PRKD1: variants seen among roughly 807,000 people sequenced by gnomAD.
PRKD1 encodes serine/threonine-protein kinase D1.
In PRKD1, 63 loss-of-function variants were observed where a neutral mutation model predicts 95.9. That is an observed-to-expected ratio of 0.66 (90% CI 0.54 to 0.81). PRKD1 has a LOEUF of 0.81. PRKD1 is among the 30% of genes least tolerant of loss of function. The probability of loss-of-function intolerance (pLI) is 0.00; values close to 1 mark genes in which losing one functional copy is unlikely to be tolerated. For missense variants in PRKD1, 1,048 were observed against 1,165.3 expected (o/e 0.90, Z 1.47); for synonymous variants, 425 against 423.1 (o/e 1.00, Z -0.05).
At chr14:29,926,552 C>T (rs1389135509) in intron 1 of PRKD1, among the ~76,000 whole-genome samples, 1 of 152,152 alleles carries the variant, frequency 6.6e-6, no homozygotes, top group East Asian at 1.9e-4. Context: ...CAGCCTCAAA[C>T]TTAAGGACAC....
At chr14:29,612,781 C>G (rs1399317590) in intron 13 of PRKD1, among the ~76,000 whole-genome samples, 1 of 152,128 alleles carries the variant, frequency 6.6e-6, no homozygotes, top group Non-Finnish European at 1.5e-5. Flanking sequence ...CAAAACATGT[C>G]TTGCCTATAG....
At chr14:29,800,703 A>C (rs962464053) in intron 1 of PRKD1, among the ~76,000 whole-genome samples, 4 of 152,154 alleles carry the variant, frequency 2.6e-5, no homozygotes, top group African/African-American at 9.7e-5. Context: ...GTTTTCTGTT[A>C]TTTGAATTTT....
intron 16 of PRKD1, among the ~76,000 whole-genome samples, chr14:29,586,616 T>C (rs956739843): frequency 6.6e-6 from 1 of 152,166 alleles, no homozygotes; most frequent in Non-Finnish European, 1.5e-5. Flanking sequence ...ATGAGGGAAG[T>C]AGTCGTTTCA....
At chr14:29,577,830 T>C (rs1892611482) in intron 17 of PRKD1, among the ~76,000 whole-genome samples, 1 of 152,176 alleles carries the variant, frequency 6.6e-6, no homozygotes, top group Non-Finnish European at 1.5e-5. Flanking sequence ...CCATATACTT[T>C]GTATTTGCCA....
chr14:29,901,055 C>T (rs1365868790), intron 1 of PRKD1, among the ~76,000 whole-genome samples: 2 of 152,170 alleles, frequency 1.3e-5, no homozygotes, highest in African/African-American at 2.4e-5. Context: ...CACTGCAGTG[C>T]TATTCACAAT....
chr14:29,720,784 AAAATAAAT>A (rs563067101), intron 2 of PRKD1, among the ~76,000 whole-genome samples: 9 of 151,502 alleles, frequency 5.9e-5, no homozygotes, highest in African/African-American at 1.2e-4. Flanking sequence ...TGTCTCAAAA[AAAATAAAT>A]AAATAAATAA....
In PRKD1 at chr14:29,860,267, G is replaced by A. The variant is rs547387483; in HGVS notation, c.264+66982C>T. Among the ~76,000 whole-genome samples the A allele has an allele frequency of 2.0e-5, 3 of 152,350 alleles. No individual in the cohort carries two copies. In the South Asian group the frequency reaches 6.2e-4, roughly 32 times the overall value. On this transcript the variant is annotated intron_variant, in intron 1 of 17. Transcript: ENST00000331968. The stretch of plus-strand genomic sequence containing the variant: ...CATGACCCACTGTGTTGCAGCGAAG[G>A]CTGCGGAGGGAAAAAAGTTCTATTG...
At chr14:29,813,198 T>C (rs1162263288) in intron 1 of PRKD1, among the ~76,000 whole-genome samples, 3 of 152,206 alleles carry the variant, frequency 2.0e-5, no homozygotes, top group African/African-American at 7.2e-5. Flanking sequence ...CTCTGGAAAC[T>C]TAAGTGTCTA....
In PRKD1 at chr14:29,623,780, T is replaced by C. The variant is rs1029147123; in HGVS notation, c.1905+372A>G. ...TAGCTCACTCCCGTGACTGATATGC[T>C]GACAGTTACATACCCAATTCATGTT... On this transcript the variant is annotated intron_variant, in intron 13 of 17. Coordinates refer to ENST00000331968, the MANE Select transcript of PRKD1 (RefSeq NM_002742.3). Among the ~76,000 whole-genome samples the C allele has an allele frequency of 9.8e-5, 15 of 152,300 alleles. No individual in the cohort carries two copies. In the South Asian group the frequency reaches 1.9e-3, roughly 19 times the overall value.
intron 1 of PRKD1, among the ~76,000 whole-genome samples, chr14:29,768,204 CT>C (rs1345934588): frequency 1.3e-5 from 2 of 152,152 alleles, no homozygotes; most frequent in Non-Finnish European, 2.9e-5. Context: ...TCATTTCAAG[CT>C]TACATTTTTC....
chr14:29,607,773 G>A (rs1177632148), intron 13 of PRKD1, among the ~76,000 whole-genome samples: 2 of 152,194 alleles, frequency 1.3e-5, no homozygotes, highest in South Asian at 2.1e-4. Flanking sequence ...CTATTTTAAG[G>A]TCTGCAACTT....
chr14:29,791,528 C>T (rs1566603817), intron 1 of PRKD1, among the ~76,000 whole-genome samples: 1 of 152,152 alleles, frequency 6.6e-6, no homozygotes, highest in African/African-American at 2.4e-5. Flanking sequence ...TGCTTTTCCT[C>T]ACCATAGATT....
chr14:29,783,712 T>C (rs1214798461), intron 1 of PRKD1, among the ~76,000 whole-genome samples: 2 of 152,198 alleles, frequency 1.3e-5, no homozygotes, highest in African/African-American at 2.4e-5. Context: ...TCACTGTGGT[T>C]TTGATTTGCA....
At chr14:29,814,557 T>C (rs1182419616) in intron 1 of PRKD1, among the ~76,000 whole-genome samples, 2 of 152,162 alleles carry the variant, frequency 1.3e-5, no homozygotes, top group Non-Finnish European at 1.5e-5. Context: ...TCTGAATAGC[T>C]AACCTCTTAT....
At chr14:29,920,767 C>T (rs552848476) in intron 1 of PRKD1, among the ~76,000 whole-genome samples, 2 of 152,274 alleles carry the variant, frequency 1.3e-5, no homozygotes, top group African/African-American at 4.8e-5. Flanking sequence ...CTAAAAAAGA[C>T]TTGTGATTGG....
chr14:29,881,698 T>C (rs1036063979), intron 1 of PRKD1, among the ~76,000 whole-genome samples: 1 of 152,186 alleles, frequency 6.6e-6, no homozygotes, highest in African/African-American at 2.4e-5. Flanking sequence ...TCCCATCCCA[T>C]GGACTTTCAC....
chr14:29,627,938 G>C (rs958725673), intron 11 of PRKD1, among the ~76,000 whole-genome samples: 2 of 152,122 alleles, frequency 1.3e-5, no homozygotes, highest in Admixed American at 6.6e-5. Flanking sequence ...TAGGCTTTCC[G>C]ATAACTCAAT....
chr14:29,622,155 G>C (rs1469978244), intron 13 of PRKD1, among the ~76,000 whole-genome samples: 1 of 152,046 alleles, frequency 6.6e-6, no homozygotes, highest in Non-Finnish European at 1.5e-5. Flanking sequence ...GTTCACAATA[G>C]GGTTTGCACT....
chr14:29,797,047 G>C (rs1889847725), intron 1 of PRKD1, among the ~76,000 whole-genome samples: 1 of 152,180 alleles, frequency 6.6e-6, no homozygotes, highest in Non-Finnish European at 1.5e-5. Context: ...ATTAAGAAAT[G>C]ATGACTAAGG....
Sources: allele counts gnomAD v4.1 joint callset (sites outside exome capture counted in the v4.1 genomes callset), GRCh38; gene constraint gnomAD v4.1.1; transcripts MANE v1.5; gene names NCBI Gene and HGNC (gene_info 2026-07-23, HGNC 2026-07-21).